The following GPR39 variants were observed in gnomAD, a reference collection of about 807,000 sequenced individuals.
GPR39 encodes G protein-coupled receptor 39.
A neutral mutation model predicts 18.4 loss-of-function variants in GPR39; 23 were observed. The observed-to-expected ratio is 1.25, with a 90% CI of 0.90 to 1.77. The LOEUF is 1.77. GPR39 is among the 40% of genes most tolerant of loss of function. GPR39 has a pLI of 0.00. For synonymous variants in GPR39, 280 were observed against 257.9 expected (o/e 1.09, Z -0.82); for missense variants, 647 against 602.4 (o/e 1.07, Z -0.78).
intron 1 of GPR39, among the ~76,000 whole-genome samples, chr2:132,589,114 A>G (rs1359120137): frequency 1.3e-5 from 2 of 152,206 alleles, no homozygotes; most frequent in African/African-American, 4.8e-5. Flanking sequence ...GCTGACTGAG[A>G]GCTTTTTCAC....
At chr2:132,546,060 C>G (rs1372730123) in intron 1 of GPR39, among the ~76,000 whole-genome samples, 1 of 152,170 alleles carries the variant, frequency 6.6e-6, no homozygotes, top group African/African-American at 2.4e-5. Flanking sequence ...GTTTATCAGG[C>G]TTCTTAATGT....
At chr2:132,634,633 G>A (rs72844715) in intron 1 of GPR39, among the ~76,000 whole-genome samples, 9,182 of 152,220 alleles carry the variant, frequency 0.06, 259 homozygotes, top group Middle Eastern at 0.099. Flanking sequence ...TTCTGCACAC[G>A]TCCTCTAAGT....
At chr2:132,641,671 G>A (rs1259833442) in intron 1 of GPR39, among the ~76,000 whole-genome samples, 4 of 152,172 alleles carry the variant, frequency 2.6e-5, no homozygotes, top group Admixed American at 6.5e-5. Flanking sequence ...TATTTTGGGA[G>A]TGTATCGGAT....
Position 132,417,095 on chromosome 2 carries a change from G to A in GPR39, c.53G>A (p.Ser18Asn), listed in dbSNP as rs1446751504. Residue 18 changes from serine (S) to asparagine (N), a missense_variant, in exon 1 of 2, where the codon AGT becomes AAT. Ser to Asn is a conservative substitution (Grantham distance 46, BLOSUM62 1). This residue lies in a region of GPR39 where 61 missense variants were observed against 79.2 expected (regional missense o/e 0.77). Transcript: ENST00000329321. ...GSDCSQIIDHSHVPEFEVATW... is the reference protein window; with the variant it reads ...GSDCSQIIDHNHVPEFEVATW... ...GACTGCTCCCAAATCATTGATCACA[G>A]TCATGTCCCCGAGTTTGAGGTGGCC... 1.2e-6 allele frequency: 2 copies of A among 1,614,156 alleles called. No homozygotes were observed. The highest frequency in any genetic ancestry group is 2.2e-5 in the South Asian group (2 of 91,070).
intron 1 of GPR39, among the ~76,000 whole-genome samples, chr2:132,555,687 A>G (rs900573791): frequency 2.0e-5 from 3 of 152,080 alleles, no homozygotes; most frequent in Non-Finnish European, 2.9e-5. Context: ...CAGTGATTCA[A>G]TGTGGGAGGA....
rs539572342 is a variant in GPR39 at position 132,559,751 on chromosome 2, A to G, written c.857-85350A>G. On this transcript the variant is annotated intron_variant, in intron 1 of 1. Transcript: ENST00000329321. The stretch of plus-strand genomic sequence containing the variant: ...CACAAATACTGTCGTTGGAAAAGGC[A>G]AGAGCATTGGTTCTCCAAGGGTAAC... 3.3e-5 allele frequency among the ~76,000 whole-genome samples: 5 copies of G among 152,230 alleles called. No homozygotes were observed. The East Asian group carries it at 7.7e-4, about 24-fold the overall frequency.
intron 1 of GPR39, among the ~76,000 whole-genome samples, chr2:132,546,045 G>A (rs1057403467): frequency 1.3e-5 from 2 of 152,210 alleles, no homozygotes; most frequent in African/African-American, 4.8e-5. Context: ...CTGGCATGAA[G>A]AATAGTTTAT....
chr2:132,445,400 T>C (rs779468684), intron 1 of GPR39, among the ~76,000 whole-genome samples: 1 of 152,208 alleles, frequency 6.6e-6, no homozygotes, highest in Non-Finnish European at 1.5e-5. Context: ...GTCTTATCAC[T>C]CTTTAAAACC....
chr2:132,454,947 T>C (rs886586501), intron 1 of GPR39, among the ~76,000 whole-genome samples: 11 of 152,274 alleles, frequency 7.2e-5, no homozygotes, highest in African/African-American at 2.6e-4. Context: ...ATTCTCTTTT[T>C]TTGTTGTGTC....
intron 1 of GPR39, among the ~76,000 whole-genome samples, chr2:132,463,695 A>G (rs1680873572): frequency 6.6e-6 from 1 of 152,190 alleles, no homozygotes; most frequent in Non-Finnish European, 1.5e-5. Context: ...AGTGTTATTT[A>G]TTAGTTATGT....
intron 1 of GPR39, among the ~76,000 whole-genome samples, chr2:132,492,302 CAT>C (rs1681486105): frequency 7.5e-6 from 1 of 134,180 alleles, no homozygotes. Flanking sequence ...ATATACATAC[CAT>C]ATATATACCA....
intron 1 of GPR39, among the ~76,000 whole-genome samples, chr2:132,523,293 T>C (rs918466930): frequency 2.0e-5 from 3 of 152,206 alleles, no homozygotes; most frequent in African/African-American, 7.2e-5. Context: ...CATAAAAGCA[T>C]TTTAACTCCC....
intron 1 of GPR39, among the ~76,000 whole-genome samples, chr2:132,586,201 G>T (rs1348825732): frequency 6.6e-6 from 1 of 152,046 alleles, no homozygotes; most frequent in East Asian, 1.9e-4. Context: ...GCTTAATAAG[G>T]CGGGTGGCGG....
At chr2:132,611,615 A>G (rs1010148327) in intron 1 of GPR39, among the ~76,000 whole-genome samples, 1 of 137,038 alleles carries the variant, frequency 7.3e-6, no homozygotes, top group Non-Finnish European at 1.5e-5. Context: ...GAAGACCTGG[A>G]GTTTGATTTG....
chr2:132,478,875 G>A (rs1215213558), intron 1 of GPR39, among the ~76,000 whole-genome samples: 1 of 151,964 alleles, frequency 6.6e-6, no homozygotes, highest in East Asian at 1.9e-4. Flanking sequence ...GTAGCCACTA[G>A]AAGGGTAAAT....
chr2:132,466,803 G>A (rs1395171235), intron 1 of GPR39, among the ~76,000 whole-genome samples: 1 of 152,144 alleles, frequency 6.6e-6, no homozygotes, highest in Non-Finnish European at 1.5e-5. Flanking sequence ...AGAGGACCAA[G>A]AGTGGCATCT....
intron 1 of GPR39, among the ~76,000 whole-genome samples, chr2:132,566,112 A>G (rs1460756281): frequency 6.2e-5 from 9 of 146,340 alleles, no homozygotes; most frequent in African/African-American, 2.3e-4. Flanking sequence ...GTGAGATGAT[A>G]TCTCATAGTG....
At chr2:132,496,206 C>CT (rs1313581759) in intron 1 of GPR39, among the ~76,000 whole-genome samples, 1 of 152,208 alleles carries the variant, frequency 6.6e-6, no homozygotes, top group African/African-American at 2.4e-5. Context: ...TTTTGCTTGC[C>CT]TTTTTTTCAC....
chr2:132,463,063 T>G (rs139245342), intron 1 of GPR39, among the ~76,000 whole-genome samples: 1 of 152,312 alleles, frequency 6.6e-6, no homozygotes, highest in African/African-American at 2.4e-5. Context: ...AACAAATATT[T>G]AAGATCCTCT....
Sources: gnomAD v4.1 joint callset for allele counts (sites outside exome capture counted in the v4.1 genomes callset) on GRCh38, gnomAD v4.1.1 for gene constraint, gnomAD v4.1.1 regional missense constraint, MANE v1.5 for transcripts, NCBI Gene and HGNC (gene_info 2026-07-23, HGNC 2026-07-21) for gene names.